CPA6: variants seen among roughly 807,000 people sequenced by gnomAD.
CPA6 encodes the protein carboxypeptidase B.
In CPA6, 58 loss-of-function variants were observed where a neutral mutation model predicts 63.3. The observed-to-expected ratio is 0.92, with a 90% CI of 0.74 to 1.14. The LOEUF is 1.14. Ranked by LOEUF, CPA6 falls within the 50% of genes most tolerant of loss-of-function variation. The pLI is 0.00. For synonymous variants in CPA6, 185 were observed against 179.0 expected, an observed-to-expected ratio of 1.03 and a Z score of -0.27; for missense variants, 565 against 526.6, an observed-to-expected ratio of 1.07 and a Z score of -0.71.
At chr8:67,446,047 G>C (rs1008223112) in intron 8 of CPA6, among the ~76,000 whole-genome samples, 1 of 152,080 alleles carries the variant, frequency 6.6e-6, no homozygotes, top group African/African-American at 2.4e-5. Context: ...GGCGGATCAC[G>C]AGGTCAGGAG....
At chr8:67,475,815 TTCCTTTCTTTTCTTTC>T (rs1811179437) in intron 8 of CPA6, among the ~76,000 whole-genome samples, 1 of 65,576 alleles carries the variant, frequency 1.5e-5, no homozygotes, top group African/African-American at 9.7e-5. Context: ...CTTTCTTTCT[TTCCTTTCTTTTCTTTC>T]TTTCTTTCTT....
rs544279501 is a variant in CPA6 at position 67,455,804 on chromosome 8, T to C, written c.839-21564A>G. Among the ~76,000 whole-genome samples, 38 of 151,556 alleles carry C rather than the reference T, an allele frequency of 2.5e-4. No homozygotes were observed. In the South Asian group the frequency reaches 7.7e-3, roughly 31 times the overall value. On this transcript the variant is annotated intron_variant, in intron 8 of 10. Transcript: ENST00000297770. ...AGTGGTGTAATCTGCAGACACCAACTCCTGGGCTTAGGTGATCCTCCCACC... is the reference window on the plus strand; with the variant it reads ...AGTGGTGTAATCTGCAGACACCAACCCCTGGGCTTAGGTGATCCTCCCACC...
chr8:67,503,457 C>T (rs1042292314), intron 6 of CPA6, among the ~76,000 whole-genome samples: 1 of 149,512 alleles, frequency 6.7e-6, no homozygotes, highest in African/African-American at 2.5e-5. Context: ...CCACTATGCC[C>T]AGCTAATTAA....
intron 8 of CPA6, among the ~76,000 whole-genome samples, chr8:67,481,311 T>C (rs911444700): frequency 2.6e-5 from 4 of 152,350 alleles, no homozygotes; most frequent in Admixed American, 1.3e-4. Flanking sequence ...TTGATTAACT[T>C]TGGCAAATGA....
chr8:67,670,872 C>A (rs188206814), intron 1 of CPA6, among the ~76,000 whole-genome samples: 69 of 152,228 alleles, frequency 4.5e-4, no homozygotes, highest in African/African-American at 1.6e-3. Context: ...CTAGGGGATA[C>A]CAGAAATGAA....
At chr8:67,677,339 CTTCT>C (rs1253975503) in intron 1 of CPA6, among the ~76,000 whole-genome samples, 2 of 107,642 alleles carry the variant, frequency 1.9e-5, no homozygotes, top group Non-Finnish European at 3.7e-5. Context: ...TTCAAAACAC[CTTCT>C]TTTTTTTTTT....
intron 8 of CPA6, among the ~76,000 whole-genome samples, chr8:67,478,009 G>C (rs995390121): frequency 1.3e-5 from 2 of 152,140 alleles, no homozygotes; most frequent in African/African-American, 4.8e-5. Context: ...GTGGCTGGGG[G>C]TCCCTAGGGA....
chr8:67,588,911 G>C (rs1048474623), intron 2 of CPA6, among the ~76,000 whole-genome samples: 1 of 152,084 alleles, frequency 6.6e-6, no homozygotes, highest in African/African-American at 2.4e-5. Flanking sequence ...GAGTCCAGGG[G>C]TTTGAGACCA....
intron 1 of CPA6, among the ~76,000 whole-genome samples, chr8:67,709,039 T>A (rs548682878): frequency 6.6e-6 from 1 of 152,164 alleles, no homozygotes; most frequent in Non-Finnish European, 1.5e-5. Flanking sequence ...GTTGGGAAAG[T>A]GTGCTCAAGC....
chr8:67,600,086 A>T lies in CPA6; in HGVS notation c.192+24090T>A, dbSNP rs557848287. 1.1e-4 allele frequency among the ~76,000 whole-genome samples: 16 copies of T among 151,934 alleles called. No individual in the cohort carries two copies. The South Asian group carries it at 1.9e-3, about 18-fold the overall frequency. ...CATTTCTTTTTTTTTTTAATTTTCA[A>T]GGTGTATGTTTCCTTTTTTTAAAAT... On this transcript the variant is annotated intron_variant, in intron 2 of 10. Coordinates refer to ENST00000297770, the MANE Select transcript of CPA6 (RefSeq NM_020361.5).
At chr8:67,699,028 A>T (rs1407706364) in intron 1 of CPA6, among the ~76,000 whole-genome samples, 7 of 152,242 alleles carry the variant, frequency 4.6e-5, no homozygotes, top group Non-Finnish European at 8.8e-5. Context: ...GCCTGGAAGA[A>T]TGGCATGGTC....
At chr8:67,726,969 C>T (rs1474435369) in intron 1 of CPA6, among the ~76,000 whole-genome samples, 1 of 152,144 alleles carries the variant, frequency 6.6e-6, no homozygotes, top group Non-Finnish European at 1.5e-5. Context: ...TTCTTATTTG[C>T]AATGATTTTA....
chr8:67,601,687 T>C (rs1228416405), intron 2 of CPA6, among the ~76,000 whole-genome samples: 2 of 152,198 alleles, frequency 1.3e-5, no homozygotes, highest in African/African-American at 4.8e-5. Flanking sequence ...AACTCATTAT[T>C]CGGTCTATTT....
intron 8 of CPA6, among the ~76,000 whole-genome samples, chr8:67,477,272 A>G (rs886214934): frequency 1.5e-4 from 22 of 143,712 alleles, no homozygotes; most frequent in African/African-American, 5.5e-4. Context: ...CCTGGGTGAC[A>G]GAGGGAGACT....
chr8:67,551,329 T>G (rs1021377660), intron 2 of CPA6, among the ~76,000 whole-genome samples: 1 of 152,156 alleles, frequency 6.6e-6, no homozygotes, highest in African/African-American at 2.4e-5. Context: ...ATGAGATGGC[T>G]GTATGTGTGC....
At chr8:67,588,500 G>C (rs748897918) in intron 2 of CPA6, among the ~76,000 whole-genome samples, 7 of 152,150 alleles carry the variant, frequency 4.6e-5, no homozygotes, top group African/African-American at 2.4e-5. Context: ...AAACAGAATA[G>C]GAGAGGGCAA....
At chr8:67,716,040 G>C (rs1379615842) in intron 1 of CPA6, among the ~76,000 whole-genome samples, 1 of 151,188 alleles carries the variant, frequency 6.6e-6, no homozygotes, top group Admixed American at 6.6e-5. Flanking sequence ...TGCAATCCCA[G>C]CTACTCAAAA....
chr8:67,688,994 T>TATTATTATTA (rs201709532), intron 1 of CPA6, among the ~76,000 whole-genome samples: 5 of 151,884 alleles, frequency 3.3e-5, no homozygotes, highest in African/African-American at 1.2e-4. Context: ...TTATTATTAT[T>TATTATTATTA]TTTTAGATGG....
Position 67,618,748 on chromosome 8 carries a change from T to C in CPA6, c.192+5428A>G, listed in dbSNP as rs532297939. 3.6e-4 allele frequency among the ~76,000 whole-genome samples: 55 copies of C among 152,346 alleles called. 1 individual carries two copies. The highest frequency in any genetic ancestry group is 6.0e-4 in the Non-Finnish European group (41 of 68,028). On this transcript the variant is annotated intron_variant, in intron 2 of 10. Coordinates refer to ENST00000297770, the MANE Select transcript of CPA6 (RefSeq NM_020361.5). ...CTACGAGAGTGTGTCAATTGTATAA[T>C]GGAAACTTTGTGATCCTACATAAAA...
Sources: gnomAD v4.1 joint callset for allele counts (sites outside exome capture counted in the v4.1 genomes callset) on GRCh38, gnomAD v4.1.1 for gene constraint, MANE v1.5 for transcripts, NCBI Gene and HGNC (gene_info 2026-07-23, HGNC 2026-07-21) for gene names.